KIF3C: variants seen among roughly 807,000 people sequenced by gnomAD.
KIF3C encodes kinesin family member 3C.
Under a neutral mutation model 67.7 loss-of-function variants are expected in KIF3C, and 12 were observed. The ratio of observed to expected loss-of-function variants is 0.18; its 90% CI spans 0.11 to 0.29. KIF3C has a LOEUF of 0.29. Among genes scored for constraint, KIF3C ranks in the 10% least tolerant of loss-of-function variants. The probability of loss-of-function intolerance (pLI) is 1.00; values close to 1 mark genes in which losing one functional copy is unlikely to be tolerated. For missense variants in KIF3C, 789 were observed against 1,059.6 expected, an observed-to-expected ratio of 0.74 and a Z score of 3.55; for synonymous variants, 393 against 426.2, an observed-to-expected ratio of 0.92 and a Z score of 0.96.
At chr2:25,959,353 C>CA (rs1663888050) in intron 1 of KIF3C, among the ~76,000 whole-genome samples, 1 of 152,216 alleles carries the variant, frequency 6.6e-6, no homozygotes, top group Non-Finnish European at 1.5e-5. Flanking sequence ...ATATCTTACT[C>CA]ATATCTCTGG....
At chr2:25,961,136 G>A (rs1485685692) in intron 1 of KIF3C, among the ~76,000 whole-genome samples, 1 of 152,158 alleles carries the variant, frequency 6.6e-6, no homozygotes, top group African/African-American at 2.4e-5. Context: ...GAATGGGACG[G>A]AATAGGTTAT....
At chr2:25,930,483 C>A (rs191996832) in intron 5 of KIF3C, among the ~76,000 whole-genome samples, 1 of 152,220 alleles carries the variant, frequency 6.6e-6, no homozygotes, top group Admixed American at 6.5e-5. Flanking sequence ...GTCAGCCTCC[C>A]GAGTAGCTGG....
At position 25,962,925 on chromosome 2, in the gene KIF3C, TATAATAC is replaced by T. The variant is rs1317920546; in HGVS notation, c.1546-6488_1546-6482del. ...TATATAATATATAATATATATAATA[TATAATAC>T]ATATAATATATAATATATAATATAT... On this transcript the variant is annotated intron_variant, in intron 1 of 7. Transcript: ENST00000264712. Among the ~76,000 whole-genome samples, 6 of 52,378 alleles carry T rather than the reference TATAATAC, an allele frequency of 1.1e-4. No homozygotes were observed. The East Asian group carries it at 5.7e-3, about 50-fold the overall frequency. 34.4% of individuals were successfully genotyped at this position (52,378 alleles called of 152,430 possible).
rs561738310 is a variant in KIF3C at position 25,946,486 on chromosome 2, G to A, written c.2006+5303C>T. The stretch of plus-strand genomic sequence containing the variant: ...GGGCAGATCACGAGGTCAGGAGTTC[G>A]AGACCATCCTGGCCAACATGGTGAA... On this transcript the variant is annotated intron_variant, in intron 5 of 7. Transcript: ENST00000264712. Among the ~76,000 whole-genome samples, 9 of 152,204 alleles carry A rather than the reference G, an allele frequency of 5.9e-5. No homozygotes were observed. In the East Asian group the frequency reaches 7.7e-4, roughly 13 times the overall value.
At chr2:25,950,951 A>T (rs1399885738) in intron 5 of KIF3C, among the ~76,000 whole-genome samples, 1 of 152,106 alleles carries the variant, frequency 6.6e-6, no homozygotes, top group African/African-American at 2.4e-5. Context: ...AAAATAACCA[A>T]GTAGGCATCT....
intron 5 of KIF3C, among the ~76,000 whole-genome samples, chr2:25,935,160 C>T (rs1171670052): frequency 6.6e-6 from 1 of 152,078 alleles, no homozygotes. Context: ...ATAAGAATCA[C>T]TTGAACCTGG....
chr2:25,982,398 C>T lies in KIF3C; in HGVS notation c.-481G>A. 1 of 398,658 alleles carries T rather than the reference C, an allele frequency of 2.5e-6. No individual in the cohort carries two copies. Among genetic ancestry groups the T allele is most frequent in the Non-Finnish European group, 4.4e-6 (1 of 226,078 alleles). The allele number at this position is 398,658 out of a possible 1,614,324, so 24.7% of individuals were successfully genotyped here. On this transcript the variant is annotated 5_prime_UTR_variant, in exon 1 of 8. Coordinates refer to ENST00000264712, the MANE Select transcript of KIF3C (RefSeq NM_002254.8). ...AGGGCAGAGGCTCACCTGGAGTCCT[C>T]CCCCCAAGCTGGGGGATCATTCATT... is the stretch of plus-strand genomic sequence containing the variant.
intron 6 of KIF3C, 128 bp downstream of exon 6, chr2:25,929,827 G>T: frequency 1.5e-6 from 1 of 681,438 alleles, no homozygotes; most frequent in Non-Finnish European, 2.6e-6. Flanking sequence ...TGTTAACCAG[G>T]CTGGTCTCGA....
In KIF3C at chr2:25,955,707, C is replaced by G; in HGVS notation, c.1648-44G>C. ...GTGTGGCTCAAAGGAGCAGTGCATA[C>G]TCGGGAGGGCCAGGAAAGCTCAGGG... On this transcript the variant is annotated intron_variant, in intron 2 of 7. Coordinates refer to ENST00000264712, the MANE Select transcript of KIF3C (RefSeq NM_002254.8). This position sits in a 1 kb window ranked among gnomAD's most constrained non-coding sequence, Gnocchi z 5.0. The G allele has an allele frequency of 6.2e-7, 1 of 1,607,874 alleles. No homozygotes were observed. The highest frequency in any genetic ancestry group is 8.5e-7 in the Non-Finnish European group (1 of 1,175,790).
At chr2:25,950,084 G>A (rs962599301) in intron 5 of KIF3C, among the ~76,000 whole-genome samples, 1 of 151,166 alleles carries the variant, frequency 6.6e-6, no homozygotes, top group Non-Finnish European at 1.5e-5. Context: ...TAGAGACGGG[G>A]TTTCACCACG....
rs758841049 is a variant in KIF3C at position 25,929,964 on chromosome 2, G to A, written c.2106C>T (p.Pro702=). 1.9e-6 allele frequency: 3 copies of A among 1,611,092 alleles called. No homozygotes were observed. The highest frequency in any genetic ancestry group is 2.7e-5 in the African/African-American group (2 of 74,982). The stretch of plus-strand genomic sequence containing the variant: ...CCTCTCCGCTTCTTACCCTGTACCT[G>A]GGGTGGGACCCCATTGCCATGGCAA... ...ARVAMAMGSH[P]RYRAENIMFL... The change falls in exon 6 of 8, where the codon CCC becomes CCT. Residue 702 remains proline (P), a synonymous_variant. Transcript: ENST00000264712.
intron 5 of KIF3C, among the ~76,000 whole-genome samples, chr2:25,936,908 C>T (rs372364427): frequency 6.6e-6 from 1 of 152,136 alleles, no homozygotes; most frequent in East Asian, 1.9e-4. Flanking sequence ...AATAAAAGAA[C>T]ACAGGTTTTG....
Position 25,980,328 on chromosome 2 carries a change from C to T in KIF3C, c.1545+45G>A, listed in dbSNP as rs937816999. On this transcript the variant is annotated intron_variant, in intron 1 of 7. Coordinates refer to ENST00000264712, the MANE Select transcript of KIF3C (RefSeq NM_002254.8). The surrounding 1 kb of genome is among the most constrained non-coding windows in gnomAD (Gnocchi z 7.6). ...AAAGAAGAGCCTCCTTGCCGGGATC[C>T]CCTGCGGGGACATCTCGAGTGCCCA... 5 of 1,494,654 alleles carry T rather than the reference C, an allele frequency of 3.3e-6. No individual in the cohort carries two copies. The African/African-American group carries it at 7.0e-5, about 21-fold the overall frequency. 92.6% of individuals were successfully genotyped at this position (1,494,654 alleles called of 1,614,324 possible).
intron 5 of KIF3C, among the ~76,000 whole-genome samples, chr2:25,940,789 AT>A (rs1353634437): frequency 2.7e-5 from 4 of 145,598 alleles, no homozygotes; most frequent in African/African-American, 1.0e-4. Flanking sequence ...GGTAGCTGGG[AT>A]TATAGGCGCC....
chr2:25,967,730 A>G (rs1002886457), intron 1 of KIF3C, among the ~76,000 whole-genome samples: 1 of 152,182 alleles, frequency 6.6e-6, no homozygotes, highest in Non-Finnish European at 1.5e-5. Flanking sequence ...GGAAGCTGAG[A>G]TGAAAGGATT....
intron 5 of KIF3C, among the ~76,000 whole-genome samples, chr2:25,947,005 T>A (rs1663459307): frequency 6.7e-6 from 1 of 150,260 alleles, no homozygotes; most frequent in African/African-American, 2.5e-5. Flanking sequence ...TACAAAAAAA[T>A]TTAACCAAGT....
At chr2:25,957,153 G>A (rs1663826461) in intron 1 of KIF3C, among the ~76,000 whole-genome samples, 1 of 152,190 alleles carries the variant, frequency 6.6e-6, no homozygotes, top group African/African-American at 2.4e-5. Flanking sequence ...TAGATGCTGA[G>A]CTAAGCCTTT....
At chr2:25,945,503 G>T (rs369348913) in intron 5 of KIF3C, among the ~76,000 whole-genome samples, 10 of 148,582 alleles carry the variant, frequency 6.7e-5, no homozygotes, top group African/African-American at 2.5e-4. Context: ...GGAGGCGGAG[G>T]GTGCAGTGAG....
chr2:25,929,282 C>T (rs1005916974), intron 7 of KIF3C, 23 bp downstream of exon 7: 2 of 1,609,926 alleles, frequency 1.2e-6, no homozygotes, highest in African/African-American at 2.7e-5. Flanking sequence ...TCCAGTGCTG[C>T]CTGGGACCAT....
Sources: gnomAD v4.1 joint callset for allele counts (sites outside exome capture counted in the v4.1 genomes callset) on GRCh38, gnomAD v4.1.1 for gene constraint, Gnocchi (gnomAD v3.1) non-coding constraint, MANE v1.5 for transcripts, NCBI Gene and HGNC (gene_info 2026-07-23, HGNC 2026-07-21) for gene names.